The following CSMD1 variants were observed in gnomAD, a reference collection of about 807,000 sequenced individuals.
The protein encoded by CSMD1 is CUB and Sushi multiple domains 1.
Under a neutral mutation model 417.5 loss-of-function variants are expected in CSMD1, and 213 were observed. The observed-to-expected ratio is 0.51, with a 90% CI of 0.46 to 0.57. The LOEUF (loss-of-function observed/expected upper bound fraction) is 0.57. Among genes scored for constraint, CSMD1 ranks in the 20% least tolerant of loss-of-function variants. CSMD1 has a pLI of 0.00. For missense variants in CSMD1, 6,923 were observed against 4,529.7 expected, an observed-to-expected ratio of 1.53 and a Z score of -15.17; for synonymous variants, 2,862 against 1,736.8, an observed-to-expected ratio of 1.65 and a Z score of -16.11.
chr8:4,454,210 C>G (rs1237149226), intron 2 of CSMD1, among the ~76,000 whole-genome samples: 1 of 152,116 alleles, frequency 6.6e-6, no homozygotes, highest in Non-Finnish European at 1.5e-5. Context: ...CTCCGTGTCT[C>G]CTTATCCACC....
chr8:4,934,525 C>G (rs977570812), intron 1 of CSMD1, among the ~76,000 whole-genome samples: 6 of 152,098 alleles, frequency 3.9e-5, no homozygotes, highest in African/African-American at 7.2e-5. Context: ...GGGCTTTGAG[C>G]TGACTTAAGT....
Position 4,744,040 on chromosome 8 carries a change from G to C in CSMD1, c.86-106482C>G, listed in dbSNP as rs118183950. Among the ~76,000 whole-genome samples the C allele has an allele frequency of 1.3e-3, 199 of 152,312 alleles. 4 individuals are homozygous for C. The East Asian group carries it at 0.037, about 28-fold the overall frequency. On this transcript the variant is annotated intron_variant, in intron 1 of 69. Coordinates refer to ENST00000635120, the MANE Select transcript of CSMD1 (RefSeq NM_033225.6). ...CATCCACGCCAGGCTGGCACACGCA[G>C]CCCCGTTTTTCTTATGCGGCTTTGA...
chr8:4,149,883 G>C (rs957854965), intron 3 of CSMD1, among the ~76,000 whole-genome samples: 1 of 152,092 alleles, frequency 6.6e-6, no homozygotes, highest in African/African-American at 2.4e-5. Flanking sequence ...AGCTGACCCA[G>C]GTCCACTCTA....
At chr8:3,599,180 T>TGA (rs1801240863) in intron 8 of CSMD1, among the ~76,000 whole-genome samples, 1 of 150,848 alleles carries the variant, frequency 6.6e-6, no homozygotes, top group African/African-American at 2.4e-5. Context: ...TGTGTGTGTG[T>TGA]GAGATGAGGG....
At chr8:3,262,863 G>C (rs1415679059) in intron 26 of CSMD1, among the ~76,000 whole-genome samples, 1 of 152,068 alleles carries the variant, frequency 6.6e-6, no homozygotes, top group African/African-American at 2.4e-5. Flanking sequence ...ATAGAAATAA[G>C]TAAATTACTT....
At chr8:4,133,683 C>T (rs1387546340) in intron 3 of CSMD1, among the ~76,000 whole-genome samples, 1 of 145,868 alleles carries the variant, frequency 6.9e-6, no homozygotes, top group Non-Finnish European at 1.5e-5. Flanking sequence ...TATGTACAAA[C>T]ATTTTTACAC....
intron 50 of CSMD1, among the ~76,000 whole-genome samples, chr8:3,042,196 A>C (rs962128985): frequency 6.6e-6 from 1 of 152,138 alleles, no homozygotes; most frequent in Non-Finnish European, 1.5e-5. Context: ...TTTGGCCTGA[A>C]CTATTTCTTC....
At chr8:4,094,292 AAGG>A (rs1011262629) in intron 3 of CSMD1, among the ~76,000 whole-genome samples, 8 of 152,122 alleles carry the variant, frequency 5.3e-5, no homozygotes, top group East Asian at 1.9e-4. Flanking sequence ...GGTAGGGAAC[AAGG>A]AGAAGAATCA....
intron 38 of CSMD1, among the ~76,000 whole-genome samples, chr8:3,158,770 C>A (rs895525362): frequency 1.1e-4 from 17 of 152,000 alleles, no homozygotes; most frequent in African/African-American, 4.1e-4. Flanking sequence ...GATCGTGACT[C>A]GGTGGCCTTA....
At chr8:3,083,637 TATATATATATA>T (rs1271161006) in intron 49 of CSMD1, among the ~76,000 whole-genome samples, 6 of 31,376 alleles carry the variant, frequency 1.9e-4, no homozygotes, top group African/African-American at 4.6e-4. Context: ...TATATATATA[TATATATATATA>T]TTTTTTTTTT....
chr8:3,108,688 T>C lies in CSMD1; in HGVS notation c.6669A>G (p.Glu2223=), dbSNP rs1273871750. The C allele has an allele frequency of 1.2e-6, 2 of 1,613,666 alleles. No homozygotes were observed. The highest frequency in any genetic ancestry group is 2.2e-5 in the East Asian group (1 of 44,864). The part of the protein sequence containing the change: ...LGVFSGNTAL[E]TAYSSTNQVL... ...CTTGGTTGGTGGAGCTATACGCCGT[T>C]TCGAGGGCTGTGTTGCCACTGAAAA... Residue 2223 remains glutamate, a synonymous_variant, in exon 44 of 70, where the codon GAA becomes GAG. Coordinates refer to ENST00000635120, the MANE Select transcript of CSMD1 (RefSeq NM_033225.6).
chr8:4,892,817 T>C (rs1045338343), intron 1 of CSMD1, among the ~76,000 whole-genome samples: 1 of 152,162 alleles, frequency 6.6e-6, no homozygotes, highest in Non-Finnish European at 1.5e-5. Flanking sequence ...AACTTCTGTA[T>C]GCTACTCCAT....
At chr8:4,533,139 G>T (rs770137644) in intron 2 of CSMD1, among the ~76,000 whole-genome samples, 2 of 152,162 alleles carry the variant, frequency 1.3e-5, no homozygotes, top group Non-Finnish European at 2.9e-5. Context: ...TTGTGACTGG[G>T]CTTCTTTCAC....
chr8:4,027,695 C>A (rs190947493), intron 4 of CSMD1, among the ~76,000 whole-genome samples: 14 of 152,234 alleles, frequency 9.2e-5, no homozygotes, highest in Admixed American at 7.2e-4. Context: ...CAGATGACAA[C>A]TGACATTTTA....
intron 2 of CSMD1, among the ~76,000 whole-genome samples, chr8:4,582,313 T>G (rs1799461987): frequency 6.6e-6 from 1 of 152,130 alleles, no homozygotes; most frequent in Non-Finnish European, 1.5e-5. Context: ...TCAGACCAAG[T>G]CTCCTGCAGA....
chr8:3,280,149 G>A (rs1036510410), intron 26 of CSMD1, among the ~76,000 whole-genome samples: 9 of 152,122 alleles, frequency 5.9e-5, no homozygotes, highest in African/African-American at 2.2e-4. Flanking sequence ...CCATGCTGGG[G>A]CTTCTTATTG....
In CSMD1 at chr8:4,556,147, T is replaced by C. The variant is rs528293857; in HGVS notation, c.302+81195A>G. Among the ~76,000 whole-genome samples the C allele has an allele frequency of 1.3e-3, 196 of 152,342 alleles. 1 individual carries two copies. Among genetic ancestry groups the C allele is most frequent in the African/African-American group, 4.7e-3 (194 of 41,584 alleles). ...ACATTAAGATTTAATAAGTATGCTA[T>C]GCATAGATCCAATTTTTGTATTAAT... On this transcript the variant is annotated intron_variant, in intron 2 of 69. Coordinates refer to ENST00000635120, the MANE Select transcript of CSMD1 (RefSeq NM_033225.6).
chr8:3,051,458 G>T (rs73488468), intron 50 of CSMD1, among the ~76,000 whole-genome samples: 1 of 152,114 alleles, frequency 6.6e-6, no homozygotes, highest in Non-Finnish European at 1.5e-5. Context: ...TGGAGGGTGG[G>T]AGGAAGGTAA....
intron 5 of CSMD1, among the ~76,000 whole-genome samples, chr8:3,872,723 CA>C: frequency 6.6e-6 from 1 of 151,908 alleles, no homozygotes; most frequent in East Asian, 1.9e-4. Context: ...TCACTATTAA[CA>C]GAGTGAACAG....
Sources: allele counts gnomAD v4.1 joint callset (sites outside exome capture counted in the v4.1 genomes callset), GRCh38; gene constraint gnomAD v4.1.1; transcripts MANE v1.5; gene names NCBI Gene and HGNC (gene_info 2026-07-23, HGNC 2026-07-21).